Variants in PDE8A observed in about 807,000 individuals in gnomAD.
PDE8A encodes high affinity cAMP-specific and IBMX-insensitive 3',5'-cyclic phosphodiesterase 8A.
A neutral mutation model predicts 105.0 loss-of-function variants in PDE8A; 59 were observed. The observed-to-expected ratio is 0.56, with a 90% CI of 0.46 to 0.70. The LOEUF (loss-of-function observed/expected upper bound fraction) is 0.70. PDE8A is among the 30% of genes least tolerant of loss of function. PDE8A has a pLI of 0.00. For missense variants in PDE8A, 1,014 were observed against 1,045.9 expected, an observed-to-expected ratio of 0.97 and a Z score of 0.42; for synonymous variants, 355 against 371.9, an observed-to-expected ratio of 0.95 and a Z score of 0.52.
chr15:85,078,327 C>CA (rs1354812226), intron 5 of PDE8A, among the ~76,000 whole-genome samples: 1 of 151,686 alleles, frequency 6.6e-6, no homozygotes, highest in African/African-American at 2.4e-5. Flanking sequence ...GTGGGCAGAT[C>CA]ACGAGGTCAG....
At chr15:85,045,896 G>C (rs534627803) in intron 1 of PDE8A, among the ~76,000 whole-genome samples, 1 of 152,158 alleles carries the variant, frequency 6.6e-6, no homozygotes, top group East Asian at 1.9e-4. Context: ...ACCAAAATTG[G>C]ATTTATGTCT....
At chr15:85,019,519 T>C (rs973453844) in intron 1 of PDE8A, among the ~76,000 whole-genome samples, 1 of 152,160 alleles carries the variant, frequency 6.6e-6, no homozygotes, top group African/African-American at 2.4e-5. Context: ...CCCTACCGAA[T>C]AGCTGGCATT....
chr15:85,105,449 T>A (rs1182601065), intron 11 of PDE8A, among the ~76,000 whole-genome samples: 1 of 151,928 alleles, frequency 6.6e-6, no homozygotes, highest in Non-Finnish European at 1.5e-5. Flanking sequence ...AATACTGGGG[T>A]CTGGACTTCC....
intron 1 of PDE8A, among the ~76,000 whole-genome samples, 181 bp downstream of exon 1, chr15:84,982,529 G>C (rs1338485076): frequency 6.6e-6 from 1 of 152,176 alleles, no homozygotes; most frequent in African/African-American, 2.4e-5. Flanking sequence ...GAGAAGGACC[G>C]ACCCAGGTCC....
intron 1 of PDE8A, among the ~76,000 whole-genome samples, chr15:85,022,045 C>A (rs755523875): frequency 6.6e-5 from 10 of 152,164 alleles, no homozygotes; most frequent in African/African-American, 2.4e-5. Context: ...TATACAAATT[C>A]TCTTAATCAT....
At chr15:85,095,880 T>C (rs1014834319) in intron 8 of PDE8A, among the ~76,000 whole-genome samples, 7 of 145,072 alleles carry the variant, frequency 4.8e-5, no homozygotes, top group Non-Finnish European at 8.9e-5. Flanking sequence ...ATATATTTTT[T>C]TTATATATAT....
intron 18 of PDE8A, among the ~76,000 whole-genome samples, chr15:85,122,353 A>G (rs1414225846): frequency 6.6e-6 from 1 of 152,222 alleles, no homozygotes; most frequent in African/African-American, 2.4e-5. Flanking sequence ...TGTGTCATGA[A>G]GAATACTTAT....
chr15:85,037,714 C>G (rs567665175), intron 1 of PDE8A, among the ~76,000 whole-genome samples: 73 of 152,118 alleles, frequency 4.8e-4, no homozygotes, highest in Non-Finnish European at 9.6e-4. Flanking sequence ...TGGCTGTGTT[C>G]TTCTTATTAA....
intron 11 of PDE8A, among the ~76,000 whole-genome samples, chr15:85,102,315 G>T (rs1240580883): frequency 1.3e-5 from 2 of 151,966 alleles, no homozygotes; most frequent in Admixed American, 6.6e-5. Context: ...GGAGGGAGGG[G>T]GATATGGAGC....
chr15:85,036,895 C>T (rs1313425936), intron 1 of PDE8A, among the ~76,000 whole-genome samples: 1 of 152,082 alleles, frequency 6.6e-6, no homozygotes, highest in Non-Finnish European at 1.5e-5. Context: ...TTCCTGTCCT[C>T]CCTGCCTCAG....
intron 12 of PDE8A, among the ~76,000 whole-genome samples, chr15:85,109,582 A>T (rs35668291): frequency 3.9e-5 from 6 of 152,146 alleles, no homozygotes; most frequent in African/African-American, 1.4e-4. Context: ...TAAAAAGAAT[A>T]TGTAAGTGCA....
At chr15:84,998,395 A>T (rs1049657917) in intron 1 of PDE8A, among the ~76,000 whole-genome samples, 1 of 152,226 alleles carries the variant, frequency 6.6e-6, no homozygotes, top group Non-Finnish European at 1.5e-5. Context: ...CAGGTTTGCA[A>T]AGTGTAGCCT....
At chr15:85,037,299 A>C (rs376452119) in intron 1 of PDE8A, among the ~76,000 whole-genome samples, 1 of 152,114 alleles carries the variant, frequency 6.6e-6, no homozygotes, top group African/African-American at 2.4e-5. Context: ...TCCCAACCTC[A>C]GGTGATCTGC....
chr15:84,997,878 G>A (rs974587488), intron 1 of PDE8A, among the ~76,000 whole-genome samples: 1 of 152,228 alleles, frequency 6.6e-6, no homozygotes, highest in East Asian at 1.9e-4. Flanking sequence ...TGACAGGCAT[G>A]AGCCACTGCG....
At chr15:85,083,253 G>T (rs1192466660) in intron 5 of PDE8A, among the ~76,000 whole-genome samples, 6 of 151,890 alleles carry the variant, frequency 4.0e-5, no homozygotes, top group African/African-American at 1.5e-4. Flanking sequence ...GCCTTGCTTT[G>T]TCAGTGACAT....
intron 7 of PDE8A, 141 bp downstream of exon 7, chr15:85,089,557 A>G: frequency 7.4e-6 from 4 of 542,342 alleles, no homozygotes; most frequent in Non-Finnish European, 1.3e-5. Context: ...TTATCAGAAC[A>G]AAATCAAATA....
At chr15:85,066,988 A>G (rs773250498) in intron 2 of PDE8A, 26 bp from the exon 3 acceptor site, 5 of 1,513,594 alleles carry the variant, frequency 3.3e-6, no homozygotes, top group South Asian at 2.4e-5. Flanking sequence ...TTTTTTAAAA[A>G]AAGTGTTTGT....
intron 6 of PDE8A, among the ~76,000 whole-genome samples, chr15:85,087,696 GAATATTAT>G (rs1364929240): frequency 6.6e-6 from 1 of 152,038 alleles, no homozygotes; most frequent in Non-Finnish European, 1.5e-5. Context: ...TATAATCTTA[GAATATTAT>G]ATAGTTATTT....
chr15:85,040,714 T>C (rs374950016), intron 1 of PDE8A, among the ~76,000 whole-genome samples: 14 of 152,008 alleles, frequency 9.2e-5, no homozygotes, highest in African/African-American at 3.1e-4. Flanking sequence ...GCGCCCACCA[T>C]CATACCCGGC....
Sources: allele counts gnomAD v4.1 joint callset (sites outside exome capture counted in the v4.1 genomes callset), GRCh38; gene constraint gnomAD v4.1.1; transcripts MANE v1.5; gene names NCBI Gene and HGNC (gene_info 2026-07-23, HGNC 2026-07-21).